The following ATG10 variants were observed in gnomAD, a reference collection of about 807,000 sequenced individuals.
The protein encoded by ATG10 is ubiquitin-like-conjugating enzyme ATG10.
A neutral mutation model predicts 32.1 loss-of-function variants in ATG10; 30 were observed. The observed-to-expected ratio is 0.94, with a 90% CI of 0.70 to 1.27. The LOEUF is 1.27. ATG10 is among the 50% of genes most tolerant of loss of function. The pLI is 0.00. For synonymous variants in ATG10, 87 were observed against 91.5 expected, an observed-to-expected ratio of 0.95 and a Z score of 0.28; for missense variants, 233 against 262.3, an observed-to-expected ratio of 0.89 and a Z score of 0.77.
intron 1 of ATG10, among the ~76,000 whole-genome samples, chr5:81,983,233 T>TG (rs1380378416): frequency 8.8e-6 from 1 of 113,458 alleles, no homozygotes; most frequent in Non-Finnish European, 1.9e-5. Context: ...GGCTGGGGGC[T>TG]GACCCCCCCC....
At chr5:82,084,452 C>A (rs1189005263) in intron 3 of ATG10, among the ~76,000 whole-genome samples, 1 of 152,104 alleles carries the variant, frequency 6.6e-6, no homozygotes, top group African/African-American at 2.4e-5. Context: ...GCAAGGCAGG[C>A]CAACATTCAA....
At chr5:82,223,524 C>T (rs1746006809) in intron 5 of ATG10, among the ~76,000 whole-genome samples, 1 of 152,036 alleles carries the variant, frequency 6.6e-6, no homozygotes, top group Non-Finnish European at 1.5e-5. Flanking sequence ...TCATCTTTTG[C>T]AATCAATCAC....
intron 5 of ATG10, among the ~76,000 whole-genome samples, chr5:82,246,585 A>T (rs966039908): frequency 6.6e-6 from 1 of 151,912 alleles, no homozygotes; most frequent in Admixed American, 6.6e-5. Context: ...AACTTTGTTC[A>T]ATATGCTTTC....
intron 3 of ATG10, among the ~76,000 whole-genome samples, chr5:82,112,979 A>G (rs142918067): frequency 1.3e-4 from 20 of 152,002 alleles, no homozygotes; most frequent in Non-Finnish European, 2.8e-4. Context: ...ACACATTTTG[A>G]GTGTCTTTAA....
chr5:82,184,723 C>A (rs1744381027), intron 5 of ATG10, among the ~76,000 whole-genome samples: 3 of 152,178 alleles, frequency 2.0e-5, no homozygotes, highest in Non-Finnish European at 4.4e-5. Flanking sequence ...TATTAAAATA[C>A]TTTCTTTGAC....
At chr5:82,181,201 C>T (rs1040891394) in intron 5 of ATG10, among the ~76,000 whole-genome samples, 1 of 152,092 alleles carries the variant, frequency 6.6e-6, no homozygotes, top group Non-Finnish European at 1.5e-5. Context: ...CACTACAACA[C>T]AACTATAAAA....
intron 3 of ATG10, among the ~76,000 whole-genome samples, chr5:82,159,087 G>C (rs895333825): frequency 6.6e-6 from 1 of 152,126 alleles, no homozygotes; most frequent in African/African-American, 2.4e-5. Context: ...GTGCCTTGGG[G>C]CTGTTATTAC....
chr5:81,987,767 T>C (rs1436591774), intron 2 of ATG10, 89 bp downstream of exon 2: 2 of 936,762 alleles, frequency 2.1e-6, no homozygotes, highest in African/African-American at 1.7e-5. Flanking sequence ...ACCTCCATAA[T>C]TGAAATTAAG....
rs71605823 is a variant in ATG10, at chr5:82,118,387, C to CATATATATATATAT, written c.217-46007_217-45994dup. On this transcript the variant is annotated intron_variant, in intron 3 of 7. Coordinates refer to ENST00000282185, the MANE Select transcript of ATG10 (RefSeq NM_031482.5). ...TACAAATATACATATAATATATGTA[C>CATATATATATATAT]ATATATATATATATATATGTATGTA... is the stretch of plus-strand genomic sequence containing the variant. Among the ~76,000 whole-genome samples the CATATATATATATAT allele has an allele frequency of 2.2e-3, 176 of 80,710 alleles. 10 individuals are homozygous for CATATATATATATAT. The highest frequency in any genetic ancestry group is 6.7e-3 in the Middle Eastern group (1 of 150). 52.9% of individuals were successfully genotyped at this position (80,710 alleles called of 152,430 possible). A position where few individuals can be genotyped will look rare whatever the true frequency, so the allele number is the denominator to read the frequency against.
At chr5:82,168,546 A>G (rs557469592) in intron 4 of ATG10, among the ~76,000 whole-genome samples, 1 of 152,316 alleles carries the variant, frequency 6.6e-6, no homozygotes, top group African/African-American at 2.4e-5. Flanking sequence ...CTTTTCCTCC[A>G]TTCAGCAAAG....
intron 3 of ATG10, among the ~76,000 whole-genome samples, chr5:82,160,272 C>T (rs186505685): frequency 1.1e-3 from 167 of 152,268 alleles, no homozygotes; most frequent in Non-Finnish European, 2.1e-3. Context: ...TGGAATCATA[C>T]GGTATATAAC....
intron 5 of ATG10, among the ~76,000 whole-genome samples, chr5:82,200,463 CTTTTTTTTTTTT>C (rs764388608): frequency 2.1e-4 from 11 of 52,564 alleles, no homozygotes; most frequent in African/African-American, 2.3e-4. Context: ...TCCCTAACTT[CTTTTTTTTTTTT>C]TTTTTTTTTT....
intron 3 of ATG10, among the ~76,000 whole-genome samples, chr5:82,138,004 C>G (rs184192568): frequency 3.3e-4 from 51 of 152,256 alleles, no homozygotes; most frequent in African/African-American, 1.1e-3. Flanking sequence ...TTTGAACTTC[C>G]CAGAGGCTTT....
At chr5:82,052,510 G>A (rs1763463652) in intron 2 of ATG10, among the ~76,000 whole-genome samples, 1 of 152,138 alleles carries the variant, frequency 6.6e-6, no homozygotes, top group Non-Finnish European at 1.5e-5. Flanking sequence ...TGGCCTGGAG[G>A]CATATGTGCA....
At chr5:82,023,555 A>C (rs1252472226) in intron 2 of ATG10, among the ~76,000 whole-genome samples, 1 of 152,358 alleles carries the variant, frequency 6.6e-6, no homozygotes, top group East Asian at 1.9e-4. Flanking sequence ...ATTATTCTTA[A>C]ATTGCTAGAC....
chr5:82,080,918 TG>T (rs1764455101), intron 3 of ATG10, among the ~76,000 whole-genome samples: 1 of 152,208 alleles, frequency 6.6e-6, no homozygotes, highest in Non-Finnish European at 1.5e-5. Context: ...GGTAGCTTGA[TG>T]GGGATGGCAC....
At chr5:82,140,719 G>T (rs1338445198) in intron 3 of ATG10, among the ~76,000 whole-genome samples, 1 of 27,936 alleles carries the variant, frequency 3.6e-5, no homozygotes, top group Admixed American at 3.9e-4. Flanking sequence ...CCGTCTGGGA[G>T]GTGTACCCAA....
chr5:82,205,604 G>A (rs1281461624), intron 5 of ATG10, among the ~76,000 whole-genome samples: 1 of 152,054 alleles, frequency 6.6e-6, no homozygotes, highest in African/African-American at 2.4e-5. Context: ...GACATTTTAT[G>A]GTTTTTATTT....
At chr5:82,096,863 T>A (rs1456956043) in intron 3 of ATG10, among the ~76,000 whole-genome samples, 1 of 152,206 alleles carries the variant, frequency 6.6e-6, no homozygotes, top group Admixed American at 6.5e-5. Context: ...CCTTTTTTTG[T>A]AAAATCATCT....
Sources: allele counts gnomAD v4.1 joint callset (sites outside exome capture counted in the v4.1 genomes callset), GRCh38; gene constraint gnomAD v4.1.1; transcripts MANE v1.5; gene names NCBI Gene and HGNC (gene_info 2026-07-23, HGNC 2026-07-21).